The following PTPRE variants were observed in gnomAD, a reference collection of about 807,000 sequenced individuals.
The protein encoded by PTPRE is protein tyrosine phosphatase receptor type E.
A neutral mutation model predicts 102.0 loss-of-function variants in PTPRE; 51 were observed. That is an observed-to-expected ratio of 0.50 (90% CI 0.40 to 0.63). PTPRE has a LOEUF of 0.63. PTPRE is among the 30% of genes least tolerant of loss of function. The probability of loss-of-function intolerance (pLI) is 0.00; values close to 1 mark genes in which losing one functional copy is unlikely to be tolerated. For missense variants in PTPRE, 752 were observed against 915.1 expected (o/e 0.82, Z 2.30); for synonymous variants, 345 against 348.2 (o/e 0.99, Z 0.10).
At chr10:128,015,805 T>G (rs746738785) in intron 2 of PTPRE, among the ~76,000 whole-genome samples, 3 of 152,152 alleles carry the variant, frequency 2.0e-5, no homozygotes, top group Non-Finnish European at 4.4e-5. Flanking sequence ...AGCAAGACCC[T>G]GTCTCTAAAA....
At position 127,944,830 on chromosome 10, in the gene PTPRE, A is replaced by C. The variant is rs760454815; in HGVS notation, c.-30-37444A>C. Among the ~76,000 whole-genome samples the C allele has an allele frequency of 3.9e-5, 6 of 152,170 alleles. No individual in the cohort carries two copies. The highest frequency in any genetic ancestry group is 8.8e-5 in the Non-Finnish European group (6 of 68,026). ...GCATAAAATTAGGTAGGTGGCAATG[A>C]GATGGAGAGAGTGGGCAGATTCCAC... is the stretch of plus-strand genomic sequence containing the variant. On this transcript the variant is annotated intron_variant, in intron 1 of 20. Transcript: ENST00000254667. This position sits in a 1 kb window ranked among gnomAD's most constrained non-coding sequence, Gnocchi z 4.2.
chr10:128,001,937 C>G (rs1013258113), intron 2 of PTPRE, among the ~76,000 whole-genome samples: 15 of 152,222 alleles, frequency 9.9e-5, no homozygotes, highest in Admixed American at 8.5e-4. Context: ...CATCAGTAAA[C>G]CCCATGACCC....
intron 1 of PTPRE, chr10:127,965,117 AG>A: frequency 2.6e-6 from 1 of 386,428 alleles, no homozygotes; most frequent in South Asian, 1.9e-5. Flanking sequence ...CATTATTACA[AG>A]TTGGCTTTTT....
Position 128,028,641 on chromosome 10 carries a change from A to G in PTPRE, c.-7-12234A>G, listed in dbSNP as rs955998787. ...TCTGTCCCCGAGACCCCACCCCCTCAGGCACAGCTGAGCAGCCCGCCGGGG... is the reference window on the plus strand; with the variant it reads ...TCTGTCCCCGAGACCCCACCCCCTCGGGCACAGCTGAGCAGCCCGCCGGGG... On this transcript the variant is annotated intron_variant, in intron 2 of 20. Transcript: ENST00000254667. The surrounding 1 kb of genome is among the most constrained non-coding windows in gnomAD (Gnocchi z 4.5). Among the ~76,000 whole-genome samples the G allele has an allele frequency of 9.2e-5, 14 of 151,590 alleles. 1 individual carries two copies. The highest frequency in any genetic ancestry group is 3.4e-4 in the African/African-American group (14 of 41,222).
At chr10:127,980,710 A>G (rs1040215970) in intron 1 of PTPRE, among the ~76,000 whole-genome samples, 37 of 152,190 alleles carry the variant, frequency 2.4e-4, no homozygotes, top group African/African-American at 8.9e-4. Flanking sequence ...AACACACCTC[A>G]TGGGTCAGCT....
chr10:128,009,243 T>G (rs1226299560), intron 2 of PTPRE, among the ~76,000 whole-genome samples: 1 of 152,210 alleles, frequency 6.6e-6, no homozygotes, highest in Non-Finnish European at 1.5e-5. Context: ...CAGTGCATAA[T>G]AAGAGAAATA....
At chr10:128,047,250 G>T (rs1171801937) in intron 3 of PTPRE, 140 bp from the exon 4 acceptor site, 10 of 1,246,236 alleles carry the variant, frequency 8.0e-6, no homozygotes, top group Non-Finnish European at 9.7e-6. Context: ...TACCTCGTGG[G>T]GCCTTTTCAG....
intron 10 of PTPRE, among the ~76,000 whole-genome samples, chr10:128,063,944 G>A (rs1294120510): frequency 6.6e-6 from 1 of 152,220 alleles, no homozygotes; most frequent in African/African-American, 2.4e-5. Context: ...CACAGGTGGG[G>A]CGAAGTTAGG....
At chr10:127,983,234 T>C (rs1315120265) in intron 2 of PTPRE, among the ~76,000 whole-genome samples, 3 of 152,250 alleles carry the variant, frequency 2.0e-5, no homozygotes, top group African/African-American at 7.2e-5. Context: ...GCATTTTGAC[T>C]GTGTGGATTG....
At chr10:128,036,476 A>G (rs1161947913) in intron 2 of PTPRE, among the ~76,000 whole-genome samples, 2 of 152,208 alleles carry the variant, frequency 1.3e-5, no homozygotes, top group African/African-American at 4.8e-5. Context: ...TCAGAACCTC[A>G]GGTAGCTTAT....
intron 2 of PTPRE, among the ~76,000 whole-genome samples, chr10:127,986,214 T>G (rs1852079608): frequency 6.6e-6 from 1 of 152,242 alleles, no homozygotes; most frequent in African/African-American, 2.4e-5. Context: ...TTTTTGTTTG[T>G]CTTTAACAAT....
rs375577077 is a variant in PTPRE, at chr10:128,028,681, G to T, written c.-7-12194G>T. Among the ~76,000 whole-genome samples, 1 of 152,040 alleles carries T rather than the reference G, an allele frequency of 6.6e-6. No individual in the cohort carries two copies. The highest frequency in any genetic ancestry group is 2.4e-5 in the African/African-American group (1 of 41,446). Reference sequence around the variant, plus strand: ...GCCCGCCGGGGCCCAGGGTTCCTTGGTCTTGGGTTCTGATGCCTTCATTCC... The same window carrying T: ...GCCCGCCGGGGCCCAGGGTTCCTTGTTCTTGGGTTCTGATGCCTTCATTCC... On this transcript the variant is annotated intron_variant, in intron 2 of 20. Transcript: ENST00000254667. This position sits in a 1 kb window ranked among gnomAD's most constrained non-coding sequence, Gnocchi z 4.5.
At chr10:127,969,107 A>C (rs1850489618) in intron 1 of PTPRE, among the ~76,000 whole-genome samples, 1 of 152,232 alleles carries the variant, frequency 6.6e-6, no homozygotes, top group Non-Finnish European at 1.5e-5. Flanking sequence ...TCAATCCTTT[A>C]AAAAATACTA....
intron 1 of PTPRE, among the ~76,000 whole-genome samples, chr10:127,976,425 C>T (rs1337292567): frequency 6.6e-6 from 1 of 152,152 alleles, no homozygotes; most frequent in Non-Finnish European, 1.5e-5. Flanking sequence ...GTGCCTCAAC[C>T]GTGGAGTAAT....
intron 1 of PTPRE, among the ~76,000 whole-genome samples, chr10:127,953,955 A>T (rs1204949530): frequency 6.6e-6 from 1 of 152,242 alleles, no homozygotes; most frequent in East Asian, 1.9e-4. Flanking sequence ...TGGAAGGAAC[A>T]TGATTAGAAA....
intron 2 of PTPRE, chr10:127,999,717 GGTCTCTCCT>G (rs2135548058): frequency 1.0e-6 from 1 of 984,180 alleles, no homozygotes; most frequent in East Asian, 1.1e-4. Context: ...CGAGATGAGC[GGTCTCTCCT>G]GTAAATTTCT....
chr10:127,916,706 G>A (rs1846232468), intron 1 of PTPRE, among the ~76,000 whole-genome samples: 1 of 152,072 alleles, frequency 6.6e-6, no homozygotes, highest in Admixed American at 6.6e-5. Context: ...GAGGGGATGG[G>A]ACAAAAAGGT....
intron 2 of PTPRE, among the ~76,000 whole-genome samples, chr10:128,011,429 C>T (rs1169177119): frequency 6.6e-6 from 1 of 152,178 alleles, no homozygotes; most frequent in African/African-American, 2.4e-5. Context: ...CCGGAGGAGG[C>T]GCGGGTTAGG....
At chr10:127,985,175 C>T (rs981193183) in intron 2 of PTPRE, among the ~76,000 whole-genome samples, 17 of 152,244 alleles carry the variant, frequency 1.1e-4, no homozygotes, top group African/African-American at 3.4e-4. Flanking sequence ...CCTAGTCACA[C>T]GTGCTGGATG....
Sources: allele counts gnomAD v4.1 joint callset (sites outside exome capture counted in the v4.1 genomes callset), GRCh38; gene constraint gnomAD v4.1.1; non-coding constraint Gnocchi (gnomAD v3.1); transcripts MANE v1.5; gene names NCBI Gene and HGNC (gene_info 2026-07-23, HGNC 2026-07-21).